AP3B1: variants seen among roughly 807,000 people sequenced by gnomAD.
The protein encoded by AP3B1 is adaptor related protein complex 3 subunit beta 1, also known as AP-3 complex subunit beta-1.
Under a neutral mutation model 132.5 loss-of-function variants are expected in AP3B1, and 61 were observed. The ratio of observed to expected loss-of-function variants is 0.46; its 90% CI spans 0.37 to 0.57. The LOEUF is 0.57. Ranked by LOEUF, AP3B1 falls within the 20% of genes least tolerant of loss-of-function variation. The pLI is 0.00. For synonymous variants in AP3B1, 388 were observed against 438.3 expected (o/e 0.89, Z 1.43); for missense variants, 1,120 against 1,289.4 (o/e 0.87, Z 2.01).
intron 2 of AP3B1, among the ~76,000 whole-genome samples, chr5:78,247,437 G>A (rs1747424355): frequency 6.6e-6 from 1 of 150,556 alleles, no homozygotes. Context: ...CTATTCTATT[G>A]ATTTTTAAGA....
At chr5:78,115,539 A>C (rs1226590809) in intron 18 of AP3B1, among the ~76,000 whole-genome samples, 1 of 152,202 alleles carries the variant, frequency 6.6e-6, no homozygotes, top group Non-Finnish European at 1.5e-5. Flanking sequence ...TGATATAGAG[A>C]AAAGTAGGTG....
intron 21 of AP3B1, among the ~76,000 whole-genome samples, chr5:78,092,525 A>G (rs1025170017): frequency 3.9e-5 from 6 of 152,250 alleles, no homozygotes; most frequent in African/African-American, 1.2e-4. Flanking sequence ...AAAATGAAAT[A>G]TCATGCCCAC....
In AP3B1 at chr5:78,097,573, C is replaced by A. The variant is rs1184626505; in HGVS notation, c.2470+3380G>T. 1.5e-5 allele frequency among the ~76,000 whole-genome samples: 2 copies of A among 129,406 alleles called. 1 individual carries two copies. The highest frequency in any genetic ancestry group is 3.3e-5 in the Non-Finnish European group (2 of 59,714). The allele number at this position is 129,406 out of a possible 152,430, so 84.9% of individuals were successfully genotyped here. Reference sequence around the variant, plus strand: ...GGAGGGAGGTAGGGGGTCAGCCCCCCGCCCGGCCAGCCGCCCCGTCCGGGA... The same window carrying A: ...GGAGGGAGGTAGGGGGTCAGCCCCCAGCCCGGCCAGCCGCCCCGTCCGGGA... On this transcript the variant is annotated intron_variant, in intron 21 of 26. Transcript: ENST00000255194.
Position 78,175,649 on chromosome 5 carries a change from G to A in AP3B1, c.1144C>T (p.Pro382Ser), listed in dbSNP as rs1470042708. The change falls in exon 11 of 27, where the codon CCA becomes TCA. Residue 382 changes from proline (P) to serine (S), a missense_variant. By Grantham distance (74) the Pro-to-Ser change is moderately conservative. Transcript: ENST00000255194. ...ACCTTCAGTGTCTTGATCATAGTTG[G>A]ATCAGTTGACCTAACATAGAAACTC... ...LKSFYVRSTD[P>S]TMIKTLKLEI... The A allele has an allele frequency of 1.2e-6, 2 of 1,613,272 alleles. No individual in the cohort carries two copies. Among genetic ancestry groups the A allele is most frequent in the Admixed American group, 1.7e-5 (1 of 59,998 alleles).
chr5:78,046,010 T>C (rs1748312322), intron 22 of AP3B1, among the ~76,000 whole-genome samples: 1 of 152,218 alleles, frequency 6.6e-6, no homozygotes, highest in East Asian at 1.9e-4. Flanking sequence ...TGAGTAGTTG[T>C]AATACCTAAA....
At chr5:78,022,709 T>C (rs1257638765) in intron 24 of AP3B1, among the ~76,000 whole-genome samples, 1 of 152,186 alleles carries the variant, frequency 6.6e-6, no homozygotes, top group Non-Finnish European at 1.5e-5. Context: ...ATTTATGTTT[T>C]AGAAACTCCA....
At position 78,294,496 on chromosome 5, in the gene AP3B1, A is replaced by T; in HGVS notation, c.84T>A (p.Ile28=). 2.5e-6 allele frequency: 4 copies of T among 1,614,238 alleles called. No individual in the cohort carries two copies. Among genetic ancestry groups the T allele is most frequent in the Non-Finnish European group, 2.5e-6 (3 of 1,180,030 alleles). ...TELGQEATST[I]SPSGAFGLFS... Reference sequence around the variant, plus strand: ...AGAGGCCGAAGGCCCCCGAGGGGGAAATGGTTGAGGTCGCCTCCTGACCCA... The same window carrying T: ...AGAGGCCGAAGGCCCCCGAGGGGGATATGGTTGAGGTCGCCTCCTGACCCA... Residue 28 remains isoleucine, a synonymous_variant, in exon 1 of 27, where the codon ATT becomes ATA. Coordinates refer to ENST00000255194, the MANE Select transcript of AP3B1 (RefSeq NM_003664.5).
At chr5:78,069,339 A>G (rs1254142698) in intron 22 of AP3B1, among the ~76,000 whole-genome samples, 2 of 152,226 alleles carry the variant, frequency 1.3e-5, no homozygotes, top group East Asian at 1.9e-4. Context: ...ACATGATCTT[A>G]TATCTAGAAA....
chr5:78,289,950 C>T (rs750730635), intron 1 of AP3B1, among the ~76,000 whole-genome samples: 8 of 152,140 alleles, frequency 5.3e-5, no homozygotes, highest in African/African-American at 9.7e-5. Flanking sequence ...CCTAAAGAAT[C>T]CATCTTTCCT....
At chr5:78,118,337 G>A (rs1053184436) in intron 17 of AP3B1, among the ~76,000 whole-genome samples, 5 of 152,154 alleles carry the variant, frequency 3.3e-5, no homozygotes, top group African/African-American at 1.2e-4. Context: ...CCAGACAGTG[G>A]GTGCAGCGCA....
intron 1 of AP3B1, among the ~76,000 whole-genome samples, chr5:78,267,905 T>C (rs1003292871): frequency 2.0e-5 from 3 of 152,052 alleles, no homozygotes; most frequent in Admixed American, 6.6e-5. Context: ...CAAACTGTCA[T>C]TGCAAGAAAA....
chr5:78,231,734 A>G (rs1270393153), intron 3 of AP3B1, among the ~76,000 whole-genome samples: 1 of 152,260 alleles, frequency 6.6e-6, no homozygotes, highest in Non-Finnish European at 1.5e-5. Flanking sequence ...TAGAATGGAC[A>G]TAATATGGTA....
chr5:78,139,436 A>G (rs904850562), intron 15 of AP3B1, among the ~76,000 whole-genome samples: 9 of 152,196 alleles, frequency 5.9e-5, no homozygotes, highest in African/African-American at 2.2e-4. Flanking sequence ...CAGTTTTTAG[A>G]AAGCATCTCA....
At chr5:78,142,078 A>G (rs75697845) in intron 14 of AP3B1, among the ~76,000 whole-genome samples, 2,120 of 152,356 alleles carry the variant, frequency 0.014, 49 homozygotes, top group African/African-American at 0.048. Flanking sequence ...AGGTCTGCTT[A>G]TAAAATCATG....
At chr5:78,079,465 C>T (rs1749900072) in intron 22 of AP3B1, among the ~76,000 whole-genome samples, 1 of 152,024 alleles carries the variant, frequency 6.6e-6, no homozygotes, top group African/African-American at 2.4e-5. Context: ...TTTTACAGGA[C>T]ATATAAATGC....
At chr5:78,086,676 G>C (rs978470920) in intron 22 of AP3B1, among the ~76,000 whole-genome samples, 2 of 152,180 alleles carry the variant, frequency 1.3e-5, no homozygotes, top group Non-Finnish European at 2.9e-5. Context: ...GTAATGAATA[G>C]GGCAGATCCT....
chr5:78,001,423 T>C (rs1441762117), downstream of AP3B1: 3 of 152,206 alleles, frequency 2.0e-5, no homozygotes, highest in Non-Finnish European at 2.9e-5. Context: ...CTTCCATACA[T>C]TGGTACAGAA....
rs751258161 is a variant in AP3B1, at chr5:78,002,992, G to C, written c.3195C>G (p.Gly1065=). ...TGTTTATGATAAGCTGGGCTGTAGA[G>C]CCTTCCTTCAGTTCCACTGTGACTA... is the stretch of plus-strand genomic sequence containing the variant. ...LMLVTVELKE[G]STAQLIINTE... Residue 1065 remains glycine, a synonymous_variant, in exon 27 of 27, where the codon GGC becomes GGG. Transcript: ENST00000255194. 1 of 1,614,188 alleles carries C rather than the reference G, an allele frequency of 6.2e-7. No homozygotes were observed. Among genetic ancestry groups the C allele is most frequent in the African/African-American group, 1.3e-5 (1 of 75,042 alleles).
chr5:78,146,325 TG>T (rs955183562), intron 14 of AP3B1, among the ~76,000 whole-genome samples: 1 of 152,206 alleles, frequency 6.6e-6, no homozygotes, highest in African/African-American at 2.4e-5. Context: ...TTGAGGGTTC[TG>T]CACAACAAAT....
Sources: allele counts gnomAD v4.1 joint callset (sites outside exome capture counted in the v4.1 genomes callset), GRCh38; gene constraint gnomAD v4.1.1; transcripts MANE v1.5; gene names NCBI Gene and HGNC (gene_info 2026-07-23, HGNC 2026-07-21).